Variants in HOXC6 observed in about 807,000 individuals in gnomAD.
HOXC6 encodes the protein homeobox protein Hox-C6.
A neutral mutation model predicts 24.0 loss-of-function variants in HOXC6; 10 were observed. The observed-to-expected ratio is 0.42, with a 90% CI of 0.26 to 0.71. HOXC6 has a LOEUF of 0.71. HOXC6 is among the 30% of genes least tolerant of loss of function. The probability of loss-of-function intolerance (pLI) is 0.28; values close to 1 mark genes in which losing one functional copy is unlikely to be tolerated. For synonymous variants in HOXC6, 123 were observed against 128.1 expected (o/e 0.96, Z 0.27); for missense variants, 258 against 303.4 (o/e 0.85, Z 1.11).
upstream of HOXC6, chr12:54,028,368 C>G (rs1427495113): frequency 5.4e-6 from 4 of 741,464 alleles, no homozygotes; most frequent in African/African-American, 1.8e-5. Context: ...TTCCTGACAT[C>G]TGGCTTGCGA....
chr12:54,028,496 T>C lies in HOXC6; in HGVS notation c.-26T>C, dbSNP rs543723007. ...ACAGAAATAAATATTAAAGAAATCATAGACCGACCAGGTAAAGGCAAAGGG... is the reference window on the plus strand; with the variant it reads ...ACAGAAATAAATATTAAAGAAATCACAGACCGACCAGGTAAAGGCAAAGGG... On this transcript the variant is annotated 5_prime_UTR_variant, in exon 1 of 2. Transcript: ENST00000243108. The C allele has an allele frequency of 2.5e-6, 4 of 1,606,768 alleles. No individual in the cohort carries two copies. The highest frequency in any genetic ancestry group is 3.4e-5 in the Admixed American group (2 of 59,258).
At chr12:54,029,092 C>A (rs1015089034) in intron 1 of HOXC6, among the ~76,000 whole-genome samples, 171 bp downstream of exon 1, 2 of 151,816 alleles carry the variant, frequency 1.3e-5, no homozygotes, top group Admixed American at 6.6e-5. Context: ...GCCTCTCGCT[C>A]GCTTGCAGGG....
chr12:54,028,089 G>T (rs1415692471), upstream of HOXC6, among the ~76,000 whole-genome samples: 1 of 151,980 alleles, frequency 6.6e-6, no homozygotes, highest in Non-Finnish European at 1.5e-5. Flanking sequence ...AAACCAGATT[G>T]AAAATACAGG....
chr12:54,025,316 G>A (rs1478003924), upstream of HOXC6, among the ~76,000 whole-genome samples: 1 of 152,070 alleles, frequency 6.6e-6, no homozygotes, highest in African/African-American at 2.4e-5. Flanking sequence ...CTAAGTCCCA[G>A]CTTTCCCCCT....
At chr12:54,027,500 C>A (rs1940772655), upstream of HOXC6, among the ~76,000 whole-genome samples, 2 of 152,216 alleles carry the variant, frequency 1.3e-5, no homozygotes, top group African/African-American at 4.8e-5. Context: ...ATAATAAATT[C>A]TCACCAACAT....
At chr12:54,026,665 T>G (rs77538854), upstream of HOXC6, among the ~76,000 whole-genome samples, 1,036 of 152,278 alleles carry the variant, frequency 6.8e-3, 7 homozygotes, top group African/African-American at 0.024. Context: ...GCAGGAAGAC[T>G]CTTCAACCCC....
intron 1 of HOXC6, chr12:54,020,582 C>T (rs1399280283): frequency 6.6e-6 from 1 of 152,158 alleles, no homozygotes; most frequent in Non-Finnish European, 1.5e-5. Flanking sequence ...CAGGCTTATG[C>T]ATGAATATAT....
chr12:54,017,923 G>A (rs992442229), intron 1 of HOXC6, among the ~76,000 whole-genome samples: 2 of 152,096 alleles, frequency 1.3e-5, no homozygotes, highest in African/African-American at 4.8e-5. Flanking sequence ...CCCTCCCAGA[G>A]AGCGCGACTG....
chr12:54,026,358 C>T (rs918126938), upstream of HOXC6, among the ~76,000 whole-genome samples: 4 of 152,280 alleles, frequency 2.6e-5, no homozygotes, highest in East Asian at 7.7e-4. Flanking sequence ...TCAGGCATGC[C>T]ATGAATTCGA....
rs757138274 is a variant in HOXC6, at chr12:54,028,566, C to T, written c.45C>T (p.Ala15=). 3.1e-6 allele frequency: 5 copies of T among 1,613,972 alleles called. No homozygotes were observed. Among genetic ancestry groups the T allele is most frequent in the Non-Finnish European group, 1.7e-6 (2 of 1,180,016 alleles). Residue 15 remains alanine, a synonymous_variant, in exon 1 of 2, where the codon GCC becomes GCT. Transcript: ENST00000243108. ...ACCCTTCCTTATCCTGCCACCTCGC[C>T]GGGGGCCAGGACGTCCTCCCCAACG... The part of the protein sequence containing the change: ...FTNPSLSCHL[A]GGQDVLPNVA...
chr12:54,029,627 T>G (rs773395635), intron 1 of HOXC6, 28 bp from the exon 2 acceptor site: 62 of 1,602,054 alleles, frequency 3.9e-5, no homozygotes, highest in Non-Finnish European at 5.2e-5. Context: ...CTGATTGCTT[T>G]TAGTGTGTTT....
At chr12:54,025,566 G>C (rs756483096), upstream of HOXC6, among the ~76,000 whole-genome samples, 1 of 150,766 alleles carries the variant, frequency 6.6e-6, no homozygotes. Context: ...TTTGCCAAAG[G>C]TCTTTAAGCA....
chr12:54,018,489 G>C (rs1340878097), intron 1 of HOXC6, among the ~76,000 whole-genome samples: 1 of 152,254 alleles, frequency 6.6e-6, no homozygotes, highest in Non-Finnish European at 1.5e-5. Context: ...CTGGGGCGGC[G>C]GGAGGGTCCT....
chr12:54,020,156 G>A (rs1456271305), intron 1 of HOXC6: 1 of 152,252 alleles, frequency 6.6e-6, no homozygotes, highest in South Asian at 2.1e-4. Flanking sequence ...TGCTGACGTG[G>A]TCCTTCCTGC....
chr12:54,029,369 T>C (rs976585047), intron 1 of HOXC6, among the ~76,000 whole-genome samples: 1 of 151,958 alleles, frequency 6.6e-6, no homozygotes, highest in African/African-American at 2.4e-5. Context: ...AAATCTGCTT[T>C]TAGACTTGCA....
At position 54,030,156 on chromosome 12, in the gene HOXC6, C is replaced by T. The variant is rs141463318; in HGVS notation, c.*194C>T. On this transcript the variant is annotated 3_prime_UTR_variant, in exon 2 of 2. Coordinates refer to ENST00000243108, the MANE Select transcript of HOXC6 (RefSeq NM_004503.4). ...CTCACCGCACAACTCTCTTTCACCA[C>T]GCGCCTCCTCCTCCTCGCTCCCTTG... 1.8e-6 allele frequency: 1 copy of T among 545,364 alleles called. No homozygotes were observed. Among genetic ancestry groups the T allele is most frequent in the Non-Finnish European group, 3.2e-6 (1 of 312,098 alleles). The allele number at this position is 545,364 out of a possible 1,614,324, so 33.8% of individuals were successfully genotyped here.
Position 54,029,746 on chromosome 12 carries a change from C to T in HOXC6, c.492C>T (p.Arg164=), listed in dbSNP as rs770642032. ...LELEKEFHFN[R]YLTRRRRIEI... ...TGGAGAAGGAATTTCACTTCAATCG[C>T]TACCTAACGCGGCGCCGGCGCATCG... Residue 164 remains arginine, a synonymous_variant, in exon 2 of 2, where the codon CGC becomes CGT. Transcript: ENST00000243108. 14 of 1,614,206 alleles carry T rather than the reference C, an allele frequency of 8.7e-6. No homozygotes were observed. Among genetic ancestry groups the T allele is most frequent in the Non-Finnish European group, 1.1e-5 (13 of 1,180,040 alleles).
chr12:54,018,791 G>A (rs2136414621), intron 1 of HOXC6, among the ~76,000 whole-genome samples: 1 of 152,246 alleles, frequency 6.6e-6, no homozygotes, highest in African/African-American at 2.4e-5. Context: ...CGAGGTCCGA[G>A]AGAACCTGGG....
chr12:54,028,452 T>C lies in HOXC6; in HGVS notation c.-70T>C, dbSNP rs1433928401. 6 of 1,519,158 alleles carry C rather than the reference T, an allele frequency of 3.9e-6. No homozygotes were observed. Among genetic ancestry groups the C allele is most frequent in the Non-Finnish European group, 5.4e-6 (6 of 1,117,164 alleles). The allele number at this position is 1,519,158 out of a possible 1,614,324, so 94.1% of individuals were successfully genotyped here. ...TGGAGCCGTCCCTATAACCATCTAG[T>C]TCCGAGTACAAACTGGAGACAGAAA... is the stretch of plus-strand genomic sequence containing the variant. On this transcript the variant is annotated 5_prime_UTR_variant, in exon 1 of 2. Coordinates refer to ENST00000243108, the MANE Select transcript of HOXC6 (RefSeq NM_004503.4).
Sources: allele counts gnomAD v4.1 joint callset (sites outside exome capture counted in the v4.1 genomes callset), GRCh38; gene constraint gnomAD v4.1.1; transcripts MANE v1.5; gene names NCBI Gene and HGNC (gene_info 2026-07-23, HGNC 2026-07-21).